PTPRM: variants seen among roughly 807,000 people sequenced by gnomAD.
PTPRM encodes the protein receptor-type tyrosine-protein phosphatase mu.
PTPRM carries 47 observed loss-of-function variants against 186.7 expected under a neutral mutation model. That is an observed-to-expected ratio of 0.25 (90% CI 0.20 to 0.32). PTPRM has a LOEUF of 0.32. Ranked by LOEUF, PTPRM falls within the 10% of genes least tolerant of loss-of-function variation. PTPRM has a pLI of 1.00. For missense variants in PTPRM, 1,494 were observed against 1,865.0 expected, an observed-to-expected ratio of 0.80 and a Z score of 3.66; for synonymous variants, 668 against 674.9, an observed-to-expected ratio of 0.99 and a Z score of 0.16.
chr18:8,262,457 C>A (rs1331862141), intron 19 of PTPRM, among the ~76,000 whole-genome samples: 1 of 152,220 alleles, frequency 6.6e-6, no homozygotes, highest in African/African-American at 2.4e-5. Context: ...GTGCTTCCCA[C>A]CGTGCAGGCT....
intron 4 of PTPRM, among the ~76,000 whole-genome samples, chr18:7,916,050 G>T (rs2050537877): frequency 6.6e-6 from 1 of 152,188 alleles, no homozygotes; most frequent in Non-Finnish European, 1.5e-5. Context: ...GAGCTAAACA[G>T]TGTGTATATA....
Position 8,200,196 on chromosome 18 carries a change from G to A in PTPRM, c.2301-43862G>A, listed in dbSNP as rs569993384. Among the ~76,000 whole-genome samples, 172 of 152,190 alleles carry A rather than the reference G, an allele frequency of 1.1e-3. 1 individual carries two copies. Among genetic ancestry groups the A allele is most frequent in the South Asian group, 1.9e-3 (9 of 4,816 alleles). ...AGGTTACAAAGTAGAGCAAGTTTGGGGACTTCAAAAGCAGTGCCTGGGATG... is the reference window on the plus strand; with the variant it reads ...AGGTTACAAAGTAGAGCAAGTTTGGAGACTTCAAAAGCAGTGCCTGGGATG... On this transcript the variant is annotated intron_variant, in intron 14 of 32. Transcript: ENST00000580170.
At chr18:7,694,584 G>A (rs969788447) in intron 1 of PTPRM, among the ~76,000 whole-genome samples, 5 of 151,780 alleles carry the variant, frequency 3.3e-5, no homozygotes, top group Admixed American at 3.3e-4. Context: ...CCACCACCAT[G>A]CCTGGCTAAT....
intron 22 of PTPRM, among the ~76,000 whole-genome samples, chr18:8,327,646 G>A (rs750206897): frequency 1.3e-5 from 2 of 152,276 alleles, no homozygotes; most frequent in Middle Eastern, 3.4e-3. Flanking sequence ...ATGTTGGCCC[G>A]GCAAAGCCAA....
chr18:7,837,555 A>G (rs1271407189), intron 2 of PTPRM, among the ~76,000 whole-genome samples: 2 of 152,040 alleles, frequency 1.3e-5, no homozygotes, highest in Non-Finnish European at 2.9e-5. Context: ...CCGAGGTTCA[A>G]GTGATTCTCT....
At chr18:8,088,518 C>A (rs2145321139) in intron 10 of PTPRM, among the ~76,000 whole-genome samples, 1 of 152,282 alleles carries the variant, frequency 6.6e-6, no homozygotes, top group South Asian at 2.1e-4. Flanking sequence ...CCCCCTCATA[C>A]CATCTCCCAA....
At chr18:8,076,651 T>C (rs899709225) in intron 9 of PTPRM, 87 bp downstream of exon 9, 19 of 629,522 alleles carry the variant, frequency 3.0e-5, no homozygotes, top group African/African-American at 5.8e-5. Context: ...AAATGCATAC[T>C]TACATAATAT....
intron 23 of PTPRM, 149 bp downstream of exon 23, chr18:8,343,669 T>G: frequency 1.6e-6 from 1 of 616,766 alleles, no homozygotes; most frequent in Non-Finnish European, 2.7e-6. Flanking sequence ...TGCACTTGCT[T>G]ATAAATTATC....
At chr18:7,685,385 T>G (rs2144604387) in intron 1 of PTPRM, among the ~76,000 whole-genome samples, 1 of 152,320 alleles carries the variant, frequency 6.6e-6, no homozygotes, top group African/African-American at 2.4e-5. Context: ...CCGAAGGGTG[T>G]GAGAGATTCT....
At chr18:7,860,805 A>C (rs898877497) in intron 2 of PTPRM, among the ~76,000 whole-genome samples, 1 of 152,174 alleles carries the variant, frequency 6.6e-6, no homozygotes, top group Non-Finnish European at 1.5e-5. Context: ...GATGCTCTTG[A>C]GCAAGGTAGA....
In PTPRM at chr18:8,394,518, C is replaced by G. The variant is rs150131530; in HGVS notation, c.4251C>G (p.Ile1417Met). ...GRSGTFCAIS[I>M]VCEMLRHQRT... The stretch of plus-strand genomic sequence containing the variant: ...GTGGGACGTTCTGCGCCATCAGCAT[C>G]GTATGTGAGATGCTCCGGCACCAGA... Residue 1417 changes from isoleucine (I) to methionine (M), a missense_variant, in exon 32 of 33, where the codon ATC becomes ATG. This residue lies in a region of PTPRM where 1,107 missense variants were observed against 1,350.2 expected (regional missense o/e 0.82). Coordinates refer to ENST00000580170, the MANE Select transcript of PTPRM (RefSeq NM_001105244.2). The G allele has an allele frequency of 1.2e-6, 2 of 1,613,628 alleles. No individual in the cohort carries two copies. The highest frequency in any genetic ancestry group is 3.3e-5 in the Admixed American group (2 of 59,956).
chr18:7,916,357 C>A (rs1166739485), intron 4 of PTPRM, among the ~76,000 whole-genome samples: 1 of 152,158 alleles, frequency 6.6e-6, no homozygotes, highest in Non-Finnish European at 1.5e-5. Context: ...ATTTTTTTAA[C>A]TCTTATAACG....
At chr18:8,065,721 G>A (rs1171923049) in intron 7 of PTPRM, among the ~76,000 whole-genome samples, 1 of 152,148 alleles carries the variant, frequency 6.6e-6, no homozygotes, top group Non-Finnish European at 1.5e-5. Flanking sequence ...TACAACTAGT[G>A]GTCCTATGAA....
chr18:8,307,575 A>G (rs1454354678), intron 20 of PTPRM, among the ~76,000 whole-genome samples: 1 of 152,188 alleles, frequency 6.6e-6, no homozygotes, highest in Non-Finnish European at 1.5e-5. Flanking sequence ...AGGCCAAGGC[A>G]GGCAGATCAC....
At chr18:7,701,303 A>G (rs2039960636) in intron 1 of PTPRM, among the ~76,000 whole-genome samples, 1 of 136,578 alleles carries the variant, frequency 7.3e-6, no homozygotes, top group Non-Finnish European at 1.6e-5. Context: ...ACCGTATCTC[A>G]AAAAAAAAAA....
intron 24 of PTPRM, among the ~76,000 whole-genome samples, 162 bp downstream of exon 24, chr18:8,371,168 C>G (rs1259070479): frequency 6.6e-6 from 1 of 152,180 alleles, no homozygotes; most frequent in Non-Finnish European, 1.5e-5. Flanking sequence ...GATTCTATAA[C>G]AGCTCAGTTC....
rs955487775 is a variant in PTPRM, at chr18:7,568,784, G to T, written c.73+893G>T. Among the ~76,000 whole-genome samples the T allele has an allele frequency of 9.2e-5, 14 of 152,144 alleles. No homozygotes were observed. Among genetic ancestry groups the T allele is most frequent in the Non-Finnish European group, 2.1e-4 (14 of 68,016 alleles). On this transcript the variant is annotated intron_variant, in intron 1 of 32. Coordinates refer to ENST00000580170, the MANE Select transcript of PTPRM (RefSeq NM_001105244.2). This position sits in a 1 kb window ranked among gnomAD's most constrained non-coding sequence, Gnocchi z 5.1. ...GCCCAGAGGAACCCCTCACGGAGAG[G>T]ATCTGTGGATCGGAGTCGGGGGTCC...
chr18:7,679,427 G>A (rs1310503512), intron 1 of PTPRM, among the ~76,000 whole-genome samples: 2 of 151,990 alleles, frequency 1.3e-5, no homozygotes, highest in Non-Finnish European at 2.9e-5. Context: ...CACTTTGGGA[G>A]GCCGAGGCAA....
intron 14 of PTPRM, chr18:8,154,939 A>C (rs1424703404): frequency 6.6e-6 from 1 of 152,248 alleles, no homozygotes; most frequent in Non-Finnish European, 1.5e-5. Flanking sequence ...TTATTATGTA[A>C]GCAAAGCAAT....
Sources: allele counts gnomAD v4.1 joint callset (sites outside exome capture counted in the v4.1 genomes callset), GRCh38; gene constraint gnomAD v4.1.1; regional missense constraint gnomAD v4.1.1; non-coding constraint Gnocchi (gnomAD v3.1); transcripts MANE v1.5; gene names NCBI Gene and HGNC (gene_info 2026-07-23, HGNC 2026-07-21).